Variants in VIL1 observed in about 807,000 individuals in gnomAD.
VIL1 encodes villin 1.
Under a neutral mutation model 104.0 loss-of-function variants are expected in VIL1, and 86 were observed. That is an observed-to-expected ratio of 0.83 (90% confidence interval 0.69 to 0.99). The LOEUF is 0.99. VIL1 is among the 50% of genes least tolerant of loss of function. VIL1 has a pLI of 0.00. For synonymous variants in VIL1, 394 were observed against 412.6 expected (o/e 0.95, Z 0.55); for missense variants, 944 against 1,054.1 (o/e 0.90, Z 1.45).
At chr2:218,436,421 C>T in intron 15 of VIL1, 61 bp from the exon 16 acceptor site, 2 of 1,577,954 alleles carry the variant, frequency 1.3e-6, no homozygotes, top group Middle Eastern at 3.4e-4. Context: ...AGTTCTGTGT[C>T]CTCAATTCTC....
In VIL1 at chr2:218,432,786, T is replaced by G; in HGVS notation, c.1342-7T>G. On this transcript the variant is annotated splice_region_variant and splice_polypyrimidine_tract_variant and intron_variant, in intron 12 of 19. Transcript: ENST00000248444. ...AATCCCACTCACTCCCTCCTGCTCA[T>G]CCCCAGGGCAGCCAGGCCAGCCAAG... The G allele has an allele frequency of 6.2e-7, 1 of 1,613,840 alleles. No homozygotes were observed.
At chr2:218,423,438 A>G (rs1688927578) in intron 1 of VIL1, among the ~76,000 whole-genome samples, 1 of 152,106 alleles carries the variant, frequency 6.6e-6, no homozygotes, top group African/African-American at 2.4e-5. Context: ...AAGGGCTGAC[A>G]TGAGGAGAAA....
rs755451033 is a variant in VIL1, at chr2:218,452,983, T to C, written c.*3647T>C. 4 of 152,188 alleles carry C rather than the reference T, an allele frequency of 2.6e-5. No homozygotes were observed. Among genetic ancestry groups the C allele is most frequent in the Non-Finnish European group, 4.4e-5 (3 of 68,046 alleles). 9.4% of individuals were successfully genotyped at this position (152,188 alleles called of 1,614,324 possible). ...TTAAAGCTAGTTTTAAAACAAATAT[T>C]TTCCTCTGCTCTAAACTACTCTGGC... On this transcript the variant is annotated 3_prime_UTR_variant, in exon 20 of 20. Transcript: ENST00000248444.
intron 19 of VIL1, among the ~76,000 whole-genome samples, chr2:218,446,471 G>A (rs1313857520): frequency 2.0e-5 from 3 of 152,056 alleles, no homozygotes; most frequent in South Asian, 2.1e-4. Flanking sequence ...ATGACCTCAG[G>A]TGATCCACCT....
At chr2:218,419,896 C>T (rs193042393) in intron 1 of VIL1, among the ~76,000 whole-genome samples, 476 of 152,292 alleles carry the variant, frequency 3.1e-3, no homozygotes, top group Middle Eastern at 6.8e-3. Context: ...GCTGTCTTCT[C>T]GGGACATCAT....
At chr2:218,423,025 C>T (rs534440795) in intron 1 of VIL1, among the ~76,000 whole-genome samples, 8 of 152,336 alleles carry the variant, frequency 5.3e-5, no homozygotes, top group Non-Finnish European at 1.2e-4. Flanking sequence ...ATCACCAGAG[C>T]CTGGAGCATC....
In VIL1 at chr2:218,429,503, G is replaced by T; in HGVS notation, c.770+16G>T. On this transcript the variant is annotated intron_variant, in intron 7 of 19. Transcript: ENST00000248444. ...AACTGTACCAGTGAGCGCCCAGCGG[G>T]GTCTTCCTGGGTGCTGGGGACTCCC... 2 of 1,613,474 alleles carry T rather than the reference G, an allele frequency of 1.2e-6. No homozygotes were observed. Among genetic ancestry groups the T allele is most frequent in the Non-Finnish European group, 1.7e-6 (2 of 1,179,604 alleles).
In VIL1 at chr2:218,449,343, T is replaced by A; in HGVS notation, c.*7T>A. 4 of 1,601,608 alleles carry A rather than the reference T, an allele frequency of 2.5e-6. No homozygotes were observed. Among genetic ancestry groups the A allele is most frequent in the Non-Finnish European group, 3.4e-6 (4 of 1,168,828 alleles). On this transcript the variant is annotated 3_prime_UTR_variant, in exon 20 of 20. Coordinates refer to ENST00000248444, the MANE Select transcript of VIL1 (RefSeq NM_007127.3). ...AGAAAAAGGACTATTTTGAGAAGAG[T>A]AGCTGTGGTTGTAAAGCAGTACCCT...
intron 18 of VIL1, among the ~76,000 whole-genome samples, chr2:218,439,417 C>T (rs1310269420): frequency 6.6e-6 from 1 of 152,078 alleles, no homozygotes; most frequent in Non-Finnish European, 1.5e-5. Context: ...GTAGTTAGTC[C>T]ATGGACTACA....
rs150670051 is a variant in VIL1, at chr2:218,430,797, G to A, written c.1021G>A (p.Val341Ile). 5.8e-5 allele frequency: 93 copies of A among 1,613,782 alleles called. No individual in the cohort carries two copies. The highest frequency in any genetic ancestry group is 5.0e-4 in the Admixed American group (30 of 59,954). Residue 341 changes from valine (V) to isoleucine (I), a missense_variant, in exon 10 of 20, where the codon GTC becomes ATC. Physicochemically the swap from Val to Ile is conservative, Grantham distance 29 (BLOSUM62 3). Coordinates refer to ENST00000248444, the MANE Select transcript of VIL1 (RefSeq NM_007127.3). ...EVQNDGAESA[V>I]FQQLFQKWTA... ...GCAGAATGATGGGGCTGAGTCGGCC[G>A]TCTTTCAGCAGCTCTTCCAGAAGTG...
intron 18 of VIL1, 73 bp from the exon 19 acceptor site, chr2:218,440,649 T>C: frequency 6.3e-7 from 1 of 1,596,000 alleles, no homozygotes; most frequent in Non-Finnish European, 8.6e-7. Flanking sequence ...CCTAGAGACT[T>C]CAGAGAGAAA....
intron 19 of VIL1, among the ~76,000 whole-genome samples, chr2:218,445,187 C>T (rs550575408): frequency 6.6e-6 from 1 of 152,214 alleles, no homozygotes; most frequent in African/African-American, 2.4e-5. Context: ...ATTGCTTGAG[C>T]CCAGGAGTTT....
Position 218,431,853 on chromosome 2 carries a change from C to A in VIL1, c.1103-4C>A. ...AGTTGGTTTCATGATTTCCCCCACT[C>A]TAGCCAAAGTGGAACAGGTGAAGTT... On this transcript the variant is annotated splice_polypyrimidine_tract_variant and splice_region_variant and intron_variant, in intron 10 of 19. Transcript: ENST00000248444. The A allele has an allele frequency of 2.5e-6, 4 of 1,612,176 alleles. No homozygotes were observed. The highest frequency in any genetic ancestry group is 1.1e-5 in the South Asian group (1 of 90,452).
chr2:218,437,461 T>A, intron 17 of VIL1, 149 bp downstream of exon 17: 2 of 1,085,780 alleles, frequency 1.8e-6, no homozygotes, highest in Non-Finnish European at 2.6e-6. Flanking sequence ...AAGGCTGCAC[T>A]AAGGCCATTA....
At chr2:218,424,813 C>T (rs114356407) in intron 3 of VIL1, among the ~76,000 whole-genome samples, 3,051 of 152,176 alleles carry the variant, frequency 0.02, 99 homozygotes, top group African/African-American at 0.07. Flanking sequence ...CGTGCCACCA[C>T]AGTCAGCTAA....
At chr2:218,447,921 A>T (rs1689392412) in intron 19 of VIL1, among the ~76,000 whole-genome samples, 1 of 152,108 alleles carries the variant, frequency 6.6e-6, no homozygotes, top group South Asian at 2.1e-4. Flanking sequence ...TTTCATATGT[A>T]GTATTATTTT....
At chr2:218,432,507 C>T in intron 12 of VIL1, 1 of 694,132 alleles carries the variant, frequency 1.4e-6, no homozygotes, top group Non-Finnish European at 2.6e-6. Flanking sequence ...TGATGTCTCC[C>T]TGAAGAAGGA....
Position 218,437,211 on chromosome 2 carries a change from A to G in VIL1, c.2059A>G (p.Ser687Gly), listed in dbSNP as rs1259873558. The G allele has an allele frequency of 1.9e-6, 3 of 1,614,232 alleles. No homozygotes were observed. The highest frequency in any genetic ancestry group is 2.5e-6 in the Non-Finnish European group (3 of 1,180,034). ...TAQEYLKTHPSGRDPETPIIV... is the reference protein window; with the variant it reads ...TAQEYLKTHPGGRDPETPIIV... ...ACAGGAATACCTCAAGACCCATCCC[A>G]GCGGGCGTGACCCTGAGACCCCCAT... The change falls in exon 17 of 20, where the codon AGC (serine) becomes GGC (glycine). Residue 687 changes from serine to glycine, a missense_variant. Physicochemically the swap from Ser to Gly is moderately conservative, Grantham distance 56 (BLOSUM62 0). Transcript: ENST00000248444.
chr2:218,432,015 G>C (rs747339031), intron 11 of VIL1, 31 bp from the exon 12 acceptor site: 186 of 1,613,928 alleles, frequency 1.2e-4, no homozygotes, highest in Non-Finnish European at 1.6e-4. Flanking sequence ...AGCCTGTCCT[G>C]GACCTCACCC....
Sources: allele counts gnomAD v4.1 joint callset (sites outside exome capture counted in the v4.1 genomes callset), GRCh38; gene constraint gnomAD v4.1.1; transcripts MANE v1.5; gene names NCBI Gene and HGNC (gene_info 2026-07-23, HGNC 2026-07-21).